Variants in XIRP2 observed in about 807,000 individuals in gnomAD.
XIRP2 encodes xin actin binding repeat containing 2.
XIRP2 carries 236 observed loss-of-function variants against 277.0 expected under a neutral mutation model. The observed-to-expected ratio is 0.85, with a 90% CI of 0.77 to 0.95. The LOEUF (loss-of-function observed/expected upper bound fraction) is 0.95. Among genes scored for constraint, XIRP2 ranks in the 40% least tolerant of loss-of-function variants. The pLI is 0.00. For synonymous variants in XIRP2, 1,490 were observed against 1,416.5 expected, an observed-to-expected ratio of 1.05 and a Z score of -1.17; for missense variants, 4,640 against 4,157.5, an observed-to-expected ratio of 1.12 and a Z score of -3.19.
At chr2:167,136,718 G>T (rs1309971667) in intron 3 of XIRP2, among the ~76,000 whole-genome samples, 1 of 152,118 alleles carries the variant, frequency 6.6e-6, no homozygotes, top group African/African-American at 2.4e-5. Context: ...TTCTGATTAG[G>T]CACATTCTGG....
Position 166,982,891 on chromosome 2 carries a change from A to G in XIRP2, c.408+79001A>G, listed in dbSNP as rs142855667. On this transcript the variant is annotated intron_variant, in intron 2 of 10. Coordinates refer to ENST00000409195, the MANE Select transcript of XIRP2 (RefSeq NM_152381.6). ...TCTATTAGAGTTTTATTGTCCCTGC[A>G]TGACAGAGATTACAACTCTCCCTCT... 2.6e-3 allele frequency among the ~76,000 whole-genome samples: 403 copies of G among 152,298 alleles called. 1 individual carries two copies. The highest frequency in any genetic ancestry group is 9.4e-3 in the African/African-American group (392 of 41,572).
chr2:166,949,182 C>G (rs1685964483), intron 2 of XIRP2, among the ~76,000 whole-genome samples: 1 of 151,994 alleles, frequency 6.6e-6, no homozygotes, highest in Non-Finnish European at 1.5e-5. Context: ...TATCATTTTG[C>G]TATATTTCCA....
chr2:167,091,672 C>T (rs1366229424), intron 2 of XIRP2, among the ~76,000 whole-genome samples: 1 of 152,058 alleles, frequency 6.6e-6, no homozygotes, highest in Non-Finnish European at 1.5e-5. Flanking sequence ...CTTTCTTGAT[C>T]TTGTGGCCCT....
intron 2 of XIRP2, among the ~76,000 whole-genome samples, chr2:167,014,379 A>G (rs1015923260): frequency 3.3e-5 from 5 of 151,802 alleles, no homozygotes; most frequent in African/African-American, 1.2e-4. Context: ...AGATTGAGGT[A>G]TAACAACAGA....
chr2:167,119,926 G>A (rs536654970), intron 2 of XIRP2, among the ~76,000 whole-genome samples: 3 of 152,140 alleles, frequency 2.0e-5, no homozygotes, highest in Non-Finnish European at 4.4e-5. Context: ...TCATAAAGAT[G>A]TTATATGGAT....
At chr2:167,135,224 T>C (rs560459602) in intron 2 of XIRP2, among the ~76,000 whole-genome samples, 1 of 152,288 alleles carries the variant, frequency 6.6e-6, no homozygotes, top group Non-Finnish European at 1.5e-5. Context: ...TGGTTTGTTT[T>C]ATTTGATTAC....
At chr2:167,179,394 C>T (rs1692945598) in intron 3 of XIRP2, among the ~76,000 whole-genome samples, 1 of 150,518 alleles carries the variant, frequency 6.6e-6, no homozygotes, top group Non-Finnish European at 1.5e-5. Flanking sequence ...CATCTCGGCT[C>T]ACTGCAACCT....
At chr2:167,029,615 T>G (rs1688273760) in intron 2 of XIRP2, among the ~76,000 whole-genome samples, 1 of 152,096 alleles carries the variant, frequency 6.6e-6, no homozygotes, top group Admixed American at 6.6e-5. Context: ...TGCCAGTATT[T>G]TATTGAGAAT....
intron 2 of XIRP2, among the ~76,000 whole-genome samples, chr2:167,072,741 C>A (rs1173053454): frequency 4.6e-5 from 7 of 152,208 alleles, no homozygotes; most frequent in Non-Finnish European, 2.9e-5. Flanking sequence ...ACTATGGGAA[C>A]TTTATTGTTT....
chr2:167,154,676 A>G (rs891518798), intron 3 of XIRP2, among the ~76,000 whole-genome samples: 1 of 152,154 alleles, frequency 6.6e-6, no homozygotes, highest in African/African-American at 2.4e-5. Context: ...TAACATCACA[A>G]TTAAAAGAAC....
At chr2:167,132,197 G>A (rs1337780457) in intron 2 of XIRP2, among the ~76,000 whole-genome samples, 2 of 151,996 alleles carry the variant, frequency 1.3e-5, no homozygotes, top group Non-Finnish European at 2.9e-5. Flanking sequence ...CACATGTATT[G>A]TAACCTTCTA....
At chr2:166,904,127 A>G (rs1027081227) in intron 2 of XIRP2, among the ~76,000 whole-genome samples, 2 of 152,100 alleles carry the variant, frequency 1.3e-5, no homozygotes, top group Non-Finnish European at 2.9e-5. Context: ...ATGCCCTCTT[A>G]TGTTGATGTT....
At chr2:167,022,415 A>G (rs1688008677) in intron 2 of XIRP2, among the ~76,000 whole-genome samples, 1 of 152,088 alleles carries the variant, frequency 6.6e-6, no homozygotes, top group Non-Finnish European at 1.5e-5. Flanking sequence ...TTCTCAGAAC[A>G]TATCAATTGC....
chr2:167,154,701 C>T (rs1292765747), intron 3 of XIRP2, among the ~76,000 whole-genome samples: 1 of 151,956 alleles, frequency 6.6e-6, no homozygotes, highest in East Asian at 1.9e-4. Flanking sequence ...AAAGCAAGAG[C>T]AAACACATTC....
chr2:167,138,252 A>T (rs1691613181), intron 3 of XIRP2, among the ~76,000 whole-genome samples: 1 of 152,228 alleles, frequency 6.6e-6, no homozygotes, highest in Non-Finnish European at 1.5e-5. Context: ...CTTATAAAAG[A>T]TAATTTAAGT....
At chr2:166,997,894 A>G (rs1687266055) in intron 2 of XIRP2, among the ~76,000 whole-genome samples, 1 of 150,142 alleles carries the variant, frequency 6.7e-6, no homozygotes, top group Non-Finnish European at 1.5e-5. Context: ...TGAAAGAGCG[A>G]GACTCCATCT....
At chr2:166,947,422 A>G (rs1235300655) in intron 2 of XIRP2, among the ~76,000 whole-genome samples, 1 of 152,212 alleles carries the variant, frequency 6.6e-6, no homozygotes, top group Admixed American at 6.5e-5. Flanking sequence ...CCTCAAATGC[A>G]GAATATGGCA....
chr2:167,188,198 C>T (rs1227672906), intron 3 of XIRP2, among the ~76,000 whole-genome samples: 1 of 152,128 alleles, frequency 6.6e-6, no homozygotes, highest in Admixed American at 6.5e-5. Flanking sequence ...AGATATCATG[C>T]CCTATATACT....
intron 2 of XIRP2, among the ~76,000 whole-genome samples, chr2:167,024,869 A>G (rs1338255676): frequency 2.6e-5 from 4 of 152,182 alleles, no homozygotes; most frequent in African/African-American, 9.7e-5. Context: ...TATTTTATTG[A>G]GGATTTTTGC....
Sources: gnomAD v4.1 joint callset for allele counts (sites outside exome capture counted in the v4.1 genomes callset) on GRCh38, gnomAD v4.1.1 for gene constraint, MANE v1.5 for transcripts, NCBI Gene and HGNC (gene_info 2026-07-23, HGNC 2026-07-21) for gene names.